Variants in TENT5D observed in about 807,000 individuals in gnomAD.
The protein encoded by TENT5D is cancer/testis antigen 112.
For missense variants in TENT5D, 191 were observed against 287.0 expected (o/e 0.67, Z 2.42); for synonymous variants, 103 against 100.6 (o/e 1.02, Z -0.15).
At chrX:80,426,600 A>G (rs1931993024) in intron 1 of TENT5D, among the ~76,000 whole-genome samples, 1 of 112,046 alleles carries the variant, frequency 8.9e-6, no homozygotes, top group African/African-American at 3.2e-5. Context: ...GAATTTAGTT[A>G]ACATGTATAT....
At chrX:80,390,934 T>A (rs1185608936) in intron 3 of TENT5D, among the ~76,000 whole-genome samples, 1 of 111,871 alleles carries the variant, frequency 8.9e-6, no homozygotes, top group Non-Finnish European at 1.9e-5. Context: ...CCAAAAATAT[T>A]CCTTTATCAG....
intron 3 of TENT5D, among the ~76,000 whole-genome samples, chrX:80,359,585 A>G (rs1930363583): frequency 1.8e-5 from 2 of 111,069 alleles, no homozygotes; most frequent in Non-Finnish European, 3.8e-5. Flanking sequence ...GAGTTGTACA[A>G]TGAGAACACA....
chrX:80,402,454 T>C (rs1931405653), intron 3 of TENT5D, among the ~76,000 whole-genome samples: 1 of 112,130 alleles, frequency 8.9e-6, no homozygotes, highest in African/African-American at 3.2e-5. Context: ...ACTTAGTTTG[T>C]TATTTTTTCT....
intron 3 of TENT5D, among the ~76,000 whole-genome samples, chrX:80,380,910 C>A (rs1423403677): frequency 1.8e-5 from 2 of 111,413 alleles, no homozygotes; most frequent in Non-Finnish European, 3.8e-5. Context: ...GAATCTTTAT[C>A]CAATTTTTCA....
chrX:80,419,180 T>C (rs1487276577), upstream of TENT5D, among the ~76,000 whole-genome samples: 1 of 111,683 alleles, frequency 9.0e-6, no homozygotes, highest in Non-Finnish European at 1.9e-5. Flanking sequence ...AATTCTACAC[T>C]CAAAAGTTTA....
chrX:80,409,135 C>T (rs1312749609), intron 3 of TENT5D, among the ~76,000 whole-genome samples: 1 of 109,360 alleles, frequency 9.1e-6, no homozygotes, highest in African/African-American at 3.3e-5. Flanking sequence ...AACCCACAGC[C>T]AATATCATAC....
At chrX:80,370,965 C>T (rs761913457) in intron 3 of TENT5D, among the ~76,000 whole-genome samples, 1 of 112,063 alleles carries the variant, frequency 8.9e-6, no homozygotes, top group Non-Finnish European at 1.9e-5. Flanking sequence ...CTATATAATT[C>T]TTTGATTTCA....
At chrX:80,337,178 TA>T (rs1929867896) in intron 2 of TENT5D, among the ~76,000 whole-genome samples, 1 of 111,901 alleles carries the variant, frequency 8.9e-6, no homozygotes, top group Admixed American at 9.5e-5. Context: ...AGAGAAAATA[TA>T]AAAAGGAAAG....
chrX:80,370,089 TG>T (rs1388809798), intron 3 of TENT5D, among the ~76,000 whole-genome samples: 2 of 108,840 alleles, frequency 1.8e-5, no homozygotes, highest in South Asian at 8.1e-4. Context: ...CACCCAACTA[TG>T]TTTTTTTTTT....
chrX:80,367,277 C>G (rs1193241331), intron 3 of TENT5D, among the ~76,000 whole-genome samples: 1 of 111,359 alleles, frequency 9.0e-6, no homozygotes, highest in Non-Finnish European at 1.9e-5. Context: ...AAACACAAAT[C>G]AAAACTACAG....
chrX:80,387,536 A>C (rs992093238), intron 3 of TENT5D, among the ~76,000 whole-genome samples: 28 of 111,996 alleles, frequency 2.5e-4, no homozygotes, highest in Non-Finnish European at 5.1e-4. Flanking sequence ...ATATGATCTC[A>C]AAGTATTATC....
intron 3 of TENT5D, among the ~76,000 whole-genome samples, chrX:80,352,998 G>T: frequency 9.0e-6 from 1 of 111,657 alleles, no homozygotes; most frequent in East Asian, 2.9e-4. Context: ...CCCTCCGTGG[G>T]CTGCACCCAC....
chrX:80,341,872 C>A (rs1320175553), intron 2 of TENT5D, among the ~76,000 whole-genome samples: 1 of 106,370 alleles, frequency 9.4e-6, no homozygotes, highest in South Asian at 4.3e-4. Flanking sequence ...CTACCACGCC[C>A]GGCTAATTTT....
intron 3 of TENT5D, among the ~76,000 whole-genome samples, chrX:80,380,086 G>C (rs1046280557): frequency 9.3e-6 from 1 of 107,755 alleles, no homozygotes; most frequent in South Asian, 4.2e-4. Flanking sequence ...GCTTTCTCTT[G>C]TGGGCATTTA....
chrX:80,376,353 A>G (rs895693500), intron 3 of TENT5D, among the ~76,000 whole-genome samples: 2 of 111,414 alleles, frequency 1.8e-5, no homozygotes, highest in Admixed American at 9.6e-5. Flanking sequence ...CTAGATGGCT[A>G]TAGTCAGATA....
chrX:80,397,940 C>G (rs754272980), intron 3 of TENT5D, among the ~76,000 whole-genome samples: 1 of 109,724 alleles, frequency 9.1e-6, no homozygotes, highest in Non-Finnish European at 1.9e-5. Flanking sequence ...AGACGGAGAC[C>G]GTGGGAGAGG....
chrX:80,437,050 TTTGA>T (rs1271283187), intron 1 of TENT5D, among the ~76,000 whole-genome samples: 1 of 112,462 alleles, frequency 8.9e-6, no homozygotes. Context: ...GTCAAGATGA[TTTGA>T]TTAAAAGGAT....
intron 3 of TENT5D, among the ~76,000 whole-genome samples, chrX:80,408,418 C>A (rs1358045353): frequency 9.1e-6 from 1 of 110,427 alleles, no homozygotes; most frequent in Non-Finnish European, 1.9e-5. Flanking sequence ...AAGGGGATAT[C>A]ACCACAGATC....
chrX:80,354,330 G>T (rs1185913764), intron 3 of TENT5D, among the ~76,000 whole-genome samples: 1 of 111,324 alleles, frequency 9.0e-6, no homozygotes. Context: ...CTTTCAGGAC[G>T]GCCAGTGAAT....
Sources: gnomAD v4.1 joint callset for allele counts (sites outside exome capture counted in the v4.1 genomes callset) on GRCh38, gnomAD v4.1.1 for gene constraint, MANE v1.5 for transcripts, NCBI Gene and HGNC (gene_info 2026-07-23, HGNC 2026-07-21) for gene names.